The following PRMT8 variants were observed in gnomAD, a reference collection of about 807,000 sequenced individuals.
PRMT8 encodes the protein protein arginine methyltransferase 8.
In PRMT8, 7 loss-of-function variants were observed where a neutral mutation model predicts 47.1. The observed-to-expected ratio is 0.15, with a 90% CI of 0.08 to 0.28. The LOEUF (loss-of-function observed/expected upper bound fraction) is 0.28, where lower values mean the gene tolerates loss of function less well. PRMT8 is among the 10% of genes least tolerant of loss of function. The pLI is 1.00. For synonymous variants in PRMT8, 188 were observed against 186.5 expected, an observed-to-expected ratio of 1.01 and a Z score of -0.07; for missense variants, 237 against 505.4, an observed-to-expected ratio of 0.47 and a Z score of 5.09.
At chr12:3,401,147 CAAAAAAAAAAAAA>C (rs34492092) in intron 1 of PRMT8, among the ~76,000 whole-genome samples, 7 of 46,034 alleles carry the variant, frequency 1.5e-4, no homozygotes, top group Middle Eastern at 0.038. Context: ...AACTCCATCT[CAAAAAAAAAAAAA>C]AAAAAAAAAG....
chr12:3,439,359 G>A (rs909589140), intron 1 of PRMT8, among the ~76,000 whole-genome samples: 4 of 152,076 alleles, frequency 2.6e-5, no homozygotes, highest in Non-Finnish European at 5.9e-5. Flanking sequence ...CCTGGGTACC[G>A]GTGGTCTCAA....
chr12:3,412,943 A>AT (rs1182920248), intron 1 of PRMT8, among the ~76,000 whole-genome samples: 1 of 152,176 alleles, frequency 6.6e-6, no homozygotes, highest in East Asian at 1.9e-4. Flanking sequence ...ATTACATTCC[A>AT]TGAGGCATTG....
At chr12:3,537,962 C>T (rs1435556992) in intron 1 of PRMT8, among the ~76,000 whole-genome samples, 1 of 152,194 alleles carries the variant, frequency 6.6e-6, no homozygotes, top group Non-Finnish European at 1.5e-5. Flanking sequence ...CACTGCTTCC[C>T]TGGTTACAAA....
At chr12:3,432,326 A>G (rs1864690207) in intron 1 of PRMT8, among the ~76,000 whole-genome samples, 1 of 152,244 alleles carries the variant, frequency 6.6e-6, no homozygotes, top group Non-Finnish European at 1.5e-5. Context: ...TGAACCCAGG[A>G]CTGTGATTCT....
At chr12:3,473,314 A>G (rs1018894597) in intron 1 of PRMT8, among the ~76,000 whole-genome samples, 6 of 151,786 alleles carry the variant, frequency 4.0e-5, no homozygotes, top group Non-Finnish European at 7.4e-5. Context: ...CTCAGGCCTC[A>G]CGGACCTCCA....
chr12:3,499,430 G>T (rs1429704422), intron 1 of PRMT8, among the ~76,000 whole-genome samples: 2 of 66,450 alleles, frequency 3.0e-5, no homozygotes, highest in African/African-American at 1.4e-4. Context: ...TCCCACCTAT[G>T]AGTGAGAATA....
At chr12:3,381,614 C>A (rs569217990) in intron 1 of PRMT8, among the ~76,000 whole-genome samples, 1 of 152,200 alleles carries the variant, frequency 6.6e-6, no homozygotes, top group African/African-American at 2.4e-5. Flanking sequence ...TTTGCGGCTC[C>A]ACAGTCTTGT....
chr12:3,384,021 A>C (rs1864117824), intron 1 of PRMT8, among the ~76,000 whole-genome samples: 3 of 152,078 alleles, frequency 2.0e-5, no homozygotes, highest in Admixed American at 1.3e-4. Flanking sequence ...GCAAGTGGGG[A>C]GAGTTTTATT....
In PRMT8 at chr12:3,559,388, G is replaced by A. The variant is rs576870396; in HGVS notation, c.481+5674G>A. 5.9e-5 allele frequency among the ~76,000 whole-genome samples: 9 copies of A among 152,260 alleles called. No homozygotes were observed. In the East Asian group the frequency reaches 1.2e-3, roughly 20 times the overall value. On this transcript the variant is annotated intron_variant, in intron 4 of 9. Coordinates refer to ENST00000382622, the MANE Select transcript of PRMT8 (RefSeq NM_019854.5). ...AAACTAAGGTCGGGGCTAGATGCTCGTTGATTTTAGAACGTTGATGCTCCC... is the reference window on the plus strand; with the variant it reads ...AAACTAAGGTCGGGGCTAGATGCTCATTGATTTTAGAACGTTGATGCTCCC...
Position 3,550,597 on chromosome 12 carries a change from A to G in PRMT8, c.417+506A>G, listed in dbSNP as rs74238881. ...TAAAGTGCTTAAAACAGTGCCCAGCATATGGCAAATGCTCGGCGTCTATTA... is the reference window on the plus strand; with the variant it reads ...TAAAGTGCTTAAAACAGTGCCCAGCGTATGGCAAATGCTCGGCGTCTATTA... On this transcript the variant is annotated intron_variant, in intron 3 of 9. Coordinates refer to ENST00000382622, the MANE Select transcript of PRMT8 (RefSeq NM_019854.5). The surrounding 1 kb of genome is among the most constrained non-coding windows in gnomAD (Gnocchi z 5.1). 2.6e-3 allele frequency: 393 copies of G among 152,822 alleles called. 3 individuals carry two copies. In the East Asian group the frequency reaches 0.052, roughly 20 times the overall value. 9.5% of individuals were successfully genotyped at this position (152,822 alleles called of 1,614,324 possible).
chr12:3,446,363 C>G (rs1461214330), intron 1 of PRMT8, among the ~76,000 whole-genome samples: 1 of 152,040 alleles, frequency 6.6e-6, no homozygotes, highest in African/African-American at 2.4e-5. Context: ...TCCTCTCGAC[C>G]TGCAGACTAC....
intron 7 of PRMT8, 35 bp downstream of exon 7, chr12:3,577,021 CT>C: frequency 6.4e-7 from 1 of 1,571,970 alleles, no homozygotes; most frequent in Admixed American, 1.7e-5. Flanking sequence ...CCTGGGTGTG[CT>C]GGGAGCCCCG....
intron 1 of PRMT8, among the ~76,000 whole-genome samples, chr12:3,411,971 G>A (rs145636524): frequency 6.6e-5 from 10 of 152,310 alleles, no homozygotes; most frequent in Non-Finnish European, 1.5e-4. Flanking sequence ...TTCCTCATTG[G>A]TGGGGTCAAC....
upstream of PRMT8, among the ~76,000 whole-genome samples, chr12:3,489,979 G>A (rs1865362811): frequency 6.6e-6 from 1 of 152,072 alleles, no homozygotes; most frequent in Admixed American, 6.5e-5. Flanking sequence ...AGATGATGGA[G>A]GCATGTTTCC....
chr12:3,386,719 C>CTTT (rs1251824774), intron 1 of PRMT8, among the ~76,000 whole-genome samples: 1 of 147,102 alleles, frequency 6.8e-6, no homozygotes, highest in Non-Finnish European at 1.5e-5. Context: ...TTTTTTCTTT[C>CTTT]TTTCTTTTTT....
intron 1 of PRMT8, among the ~76,000 whole-genome samples, chr12:3,424,681 C>A (rs1864582735): frequency 6.6e-6 from 1 of 152,034 alleles, no homozygotes; most frequent in South Asian, 2.1e-4. Context: ...CACACACTGG[C>A]CAGTTGTTTC....
intron 1 of PRMT8, among the ~76,000 whole-genome samples, chr12:3,485,546 T>A (rs1865314877): frequency 6.6e-6 from 1 of 152,208 alleles, no homozygotes; most frequent in Non-Finnish European, 1.5e-5. Flanking sequence ...TGAAAATTCA[T>A]CAGTAGGTGA....
At position 3,491,287 on chromosome 12, in the gene PRMT8, T is replaced by G; in HGVS notation, c.-339T>G. 8.9e-7 allele frequency: 1 copy of G among 1,126,266 alleles called. No individual in the cohort carries two copies. The highest frequency in any genetic ancestry group is 1.1e-6 in the Non-Finnish European group (1 of 918,188). 69.8% of individuals were successfully genotyped at this position (1,126,266 alleles called of 1,614,324 possible). ...GACTTTGCGAGCAGCCTGGAGAGGA[T>G]CCGCGACCGCCGCCGCCGCCGCCGC... On this transcript the variant is annotated 5_prime_UTR_variant, in exon 1 of 10. Coordinates refer to ENST00000382622, the MANE Select transcript of PRMT8 (RefSeq NM_019854.5).
In PRMT8 at chr12:3,498,011, G is replaced by A. The variant is rs773705836; in HGVS notation, c.75+6311G>A. ...ATCTCATTTATTGTTTTTATTTTTTGTGCCAACTTTCTGGTATATCCTGAT... is the reference window on the plus strand; with the variant it reads ...ATCTCATTTATTGTTTTTATTTTTTATGCCAACTTTCTGGTATATCCTGAT... On this transcript the variant is annotated intron_variant, in intron 1 of 9. Coordinates refer to ENST00000382622, the MANE Select transcript of PRMT8 (RefSeq NM_019854.5). 5.2e-4 allele frequency among the ~76,000 whole-genome samples: 79 copies of A among 151,984 alleles called. 2 individuals are homozygous for A. The highest frequency in any genetic ancestry group is 2.2e-4 in the Non-Finnish European group (15 of 67,994).
Sources: allele counts gnomAD v4.1 joint callset (sites outside exome capture counted in the v4.1 genomes callset), GRCh38; gene constraint gnomAD v4.1.1; non-coding constraint Gnocchi (gnomAD v3.1); transcripts MANE v1.5; gene names NCBI Gene and HGNC (gene_info 2026-07-23, HGNC 2026-07-21).